FAT1: variants seen among roughly 807,000 people sequenced by gnomAD.
FAT1 encodes FAT atypical cadherin 1, also known as protocadherin Fat 1.
FAT1 carries 171 observed loss-of-function variants against 329.8 expected under a neutral mutation model. That is an observed-to-expected ratio of 0.52 (90% CI 0.46 to 0.59). FAT1 has a LOEUF of 0.59. Ranked by LOEUF, FAT1 falls within the 20% of genes least tolerant of loss-of-function variation. FAT1 has a pLI of 0.00. For synonymous variants in FAT1, 2,233 were observed against 2,228.6 expected (o/e 1.00, Z -0.06); for missense variants, 5,672 against 5,774.4 (o/e 0.98, Z 0.57).
At position 186,588,946 on chromosome 4, in the gene FAT1, C is replaced by A. The variant is rs534337020; in HGVS notation, c.13413G>T (p.Ala4471=). The A allele has an allele frequency of 6.2e-7, 1 of 1,613,942 alleles. No homozygotes were observed. The highest frequency in any genetic ancestry group is 8.5e-7 in the Non-Finnish European group (1 of 1,179,878). ...TTCTTGATGAAGAACCCAAGCTACC[C>A]GCGGCAGGCATGTCTCTAGGAGGGT... ...SIHPPRDMPA[A]GSLGSSSRNR... is the part of the protein sequence containing the mutation. The change falls in exon 27 of 27, where the codon GCG becomes GCT. Residue 4471 remains alanine (A), a synonymous_variant. Transcript: ENST00000441802.
chr4:186,691,429 T>C (rs1743756670), intron 2 of FAT1, among the ~76,000 whole-genome samples: 1 of 152,210 alleles, frequency 6.6e-6, no homozygotes, highest in Non-Finnish European at 1.5e-5. Flanking sequence ...ATTAGGTTTC[T>C]AACAAAGTTT....
chr4:186,617,657 TC>T, intron 10 of FAT1, 50 bp downstream of exon 10: 1 of 1,439,926 alleles, frequency 6.9e-7, no homozygotes, highest in Admixed American at 2.2e-5. Flanking sequence ...ACTTTATGCT[TC>T]TAAAAATCAT....
At chr4:186,712,674 G>T (rs777199384) in intron 1 of FAT1, among the ~76,000 whole-genome samples, 1 of 152,282 alleles carries the variant, frequency 6.6e-6, no homozygotes, top group East Asian at 1.9e-4. Context: ...TAAATCCAAA[G>T]GGTCAGGGCT....
At position 186,602,957 on chromosome 4, in the gene FAT1, A is replaced by G. The variant is rs769142662; in HGVS notation, c.11428T>C (p.Trp3810Arg). The change falls in exon 20 of 27, where the codon TGG becomes CGG. Residue 3810 changes from tryptophan (W) to arginine (R), a missense_variant. By Grantham distance (101) the Trp-to-Arg change is moderately radical (BLOSUM62 -3). Transcript: ENST00000441802. ...PEGSECVSDP[W>R]EEKHTCVCPS... ...CAGACACAGGTGTGTTTCTCCTCCCAGGGATCAGACACACATTCGGATCCC... is the reference window on the plus strand; with the variant it reads ...CAGACACAGGTGTGTTTCTCCTCCCGGGGATCAGACACACATTCGGATCCC... 87 of 1,613,868 alleles carry G rather than the reference A, an allele frequency of 5.4e-5. No homozygotes were observed. The highest frequency in any genetic ancestry group is 6.8e-5 in the Non-Finnish European group (80 of 1,179,870).
chr4:186,674,005 A>C (rs569371017), intron 2 of FAT1, among the ~76,000 whole-genome samples: 92 of 152,362 alleles, frequency 6.0e-4, no homozygotes, highest in African/African-American at 2.1e-3. Context: ...CAGAAGCATT[A>C]AGATACAGAG....
chr4:186,588,268 G>C lies in FAT1; in HGVS notation c.*324C>G. On this transcript the variant is annotated 3_prime_UTR_variant, in exon 27 of 27. Coordinates refer to ENST00000441802, the MANE Select transcript of FAT1 (RefSeq NM_005245.4). ...GTACATAAAATTTACAAAAAAAAGA[G>C]ACAGGAAAATTAAAATAATCAAATC... The C allele has an allele frequency of 3.6e-6, 1 of 280,134 alleles. No individual in the cohort carries two copies. Among genetic ancestry groups the C allele is most frequent in the South Asian group, 1.4e-4 (1 of 7,146 alleles). 17.4% of individuals were successfully genotyped at this position (280,134 alleles called of 1,614,324 possible).
At chr4:186,689,008 A>G (rs1269729245) in intron 2 of FAT1, among the ~76,000 whole-genome samples, 1 of 152,238 alleles carries the variant, frequency 6.6e-6, no homozygotes, top group Non-Finnish European at 1.5e-5. Context: ...GAAACAACAG[A>G]AAGGTCAAGT....
At position 186,596,896 on chromosome 4, in the gene FAT1, T is replaced by C; in HGVS notation, c.12644A>G (p.Glu4215Gly). ...GGGTCCCAGGTGCTTGTCTTTAGGTTCAGCCTGATGCTTCTTTTTCCGACT... is the reference window on the plus strand; with the variant it reads ...GGGTCCCAGGTGCTTGTCTTTAGGTCCAGCCTGATGCTTCTTTTTCCGACT... ...MISRKKKHQA[E>G]PKDKHLGPAT... The change falls in exon 25 of 27, where the codon GAA becomes GGA. Residue 4215 changes from glutamate to glycine, a missense_variant. By Grantham distance (98) the Glu-to-Gly change is moderately conservative. Around this residue, in one of 2 missense-constraint regions of FAT1, gnomAD observed 1,706 missense variants for 1,859.1 expected, o/e 0.92. Coordinates refer to ENST00000441802, the MANE Select transcript of FAT1 (RefSeq NM_005245.4). The surrounding 1 kb of genome is among the most constrained non-coding windows in gnomAD (Gnocchi z 4.7). 1 of 1,614,032 alleles carries C rather than the reference T, an allele frequency of 6.2e-7. No homozygotes were observed. Among genetic ancestry groups the C allele is most frequent in the South Asian group, 1.1e-5 (1 of 91,084 alleles).
intron 2 of FAT1, among the ~76,000 whole-genome samples, chr4:186,680,726 G>A (rs755701368): frequency 1.3e-5 from 2 of 152,096 alleles, no homozygotes; most frequent in Non-Finnish European, 2.9e-5. Context: ...GGAAGTCCAG[G>A]GAATAAATGA....
In FAT1 at chr4:186,707,750, A is replaced by C. The variant is rs1343946259; in HGVS notation, c.2078T>G (p.Leu693Ter). ...ATCCTCCACCTCTCCCTGGTTGTGT[A>C]ATTTATTTGCCTGCAGGAGCTTCTC... ...LAEKLLQANKLHNQGEVEDIF... is the reference protein window; with the variant it reads ...LAEKLLQANK Residue 693 changes from leucine to a stop codon, truncating the protein, a stop_gained, in exon 2 of 27, where the codon TTA becomes TGA. Coordinates refer to ENST00000441802, the MANE Select transcript of FAT1 (RefSeq NM_005245.4). LOFTEE classifies it high-confidence loss of function. 1 of 1,613,544 alleles carries C rather than the reference A, an allele frequency of 6.2e-7. No homozygotes were observed. Among genetic ancestry groups the C allele is most frequent in the Non-Finnish European group, 8.5e-7 (1 of 1,179,870 alleles).
In FAT1 at chr4:186,636,595, T is replaced by C. The variant is rs2126562560; in HGVS notation, c.3962A>G (p.Asp1321Gly). Residue 1321 changes from aspartate to glycine, a missense_variant, in exon 5 of 27, where the codon GAT becomes GGT. This residue lies in a region of FAT1 where 3,966 missense variants were observed against 3,915.2 expected (regional missense o/e 1.01). Coordinates refer to ENST00000441802, the MANE Select transcript of FAT1 (RefSeq NM_005245.4). ...SKRFSAAGEY[D>G]ILSIKAVDNG... is the part of the protein sequence containing the mutation. ...ACAATCTTAACTCACTGAAAGAATA[T>C]CATATTCTCCAGCTGCTGAAAACCT... The C allele has an allele frequency of 6.2e-7, 1 of 1,608,740 alleles. No individual in the cohort carries two copies. Among genetic ancestry groups the C allele is most frequent in the Non-Finnish European group, 8.5e-7 (1 of 1,177,396 alleles).
At chr4:186,628,441 A>G in intron 8 of FAT1, 47 bp downstream of exon 8, 2 of 1,611,480 alleles carry the variant, frequency 1.2e-6, no homozygotes, top group Non-Finnish European at 1.7e-6. Flanking sequence ...CGAACACACA[A>G]AGGCCTCAGG....
In FAT1 at chr4:186,614,258, A is replaced by G; in HGVS notation, c.9162T>C (p.Ser3054=). The G allele has an allele frequency of 6.2e-7, 1 of 1,604,216 alleles. No homozygotes were observed. The highest frequency in any genetic ancestry group is 8.5e-7 in the Non-Finnish European group (1 of 1,176,970). ...ATAACGTGTAAGTAATTTCAGCGTT[A>G]GAGCGGATGTCTGCGTCTGTAGCAG... ...QISATDADIR[S]NAEITYTLLG... The change falls in exon 12 of 27, where the codon TCT becomes TCC. Residue 3054 remains serine, a synonymous_variant. Transcript: ENST00000441802.
At chr4:186,680,695 A>C (rs1479433257) in intron 2 of FAT1, among the ~76,000 whole-genome samples, 2 of 152,174 alleles carry the variant, frequency 1.3e-5, no homozygotes, top group African/African-American at 2.4e-5. Flanking sequence ...ATCTAGTGCA[A>C]CCCTCTAATT....
At chr4:186,682,372 C>CA in intron 2 of FAT1, among the ~76,000 whole-genome samples, 1 of 151,790 alleles carries the variant, frequency 6.6e-6, no homozygotes, top group Admixed American at 6.6e-5. Flanking sequence ...ACTAAAAATA[C>CA]AAAAATTAGC....
chr4:186,596,463 AT>A lies in FAT1; in HGVS notation c.13000+76del. The A allele has an allele frequency of 6.7e-7, 1 of 1,494,776 alleles. No individual in the cohort carries two copies. The highest frequency in any genetic ancestry group is 1.3e-5 in the South Asian group (1 of 76,040). 92.6% of individuals were successfully genotyped at this position (1,494,776 alleles called of 1,614,324 possible). A position where few individuals can be genotyped will look rare whatever the true frequency, so the allele number is the denominator to read the frequency against. ...CTTGTCTCTAATGAAGAGTACACAC[AT>A]TTTGACTGGACAGAATTTGTAACCT... On this transcript the variant is annotated intron_variant, in intron 25 of 26. Transcript: ENST00000441802. The surrounding 1 kb of genome is among the most constrained non-coding windows in gnomAD (Gnocchi z 4.7).
chr4:186,595,292 A>AGG (rs916976099), intron 26 of FAT1, among the ~76,000 whole-genome samples: 1 of 142,020 alleles, frequency 7.0e-6, no homozygotes, highest in African/African-American at 2.9e-5. Flanking sequence ...CTCTTCTTAG[A>AGG]GGGGGTGTGT....
At chr4:186,633,574 T>A (rs1008261514) in intron 7 of FAT1, 110 bp downstream of exon 7, 4 of 1,154,272 alleles carry the variant, frequency 3.5e-6, no homozygotes, top group Admixed American at 2.0e-5. Flanking sequence ...AAACTTCTGA[T>A]TTTAGACCCT....
rs940138848 is a variant in FAT1 at position 186,707,093 on chromosome 4, A to G, written c.2735T>C (p.Val912Ala). The change falls in exon 2 of 27, where the codon GTT becomes GCT. Residue 912 changes from valine (V) to alanine (A), a missense_variant. This residue lies in a region of FAT1 where 3,966 missense variants were observed against 3,915.2 expected (regional missense o/e 1.01). Coordinates refer to ENST00000441802, the MANE Select transcript of FAT1 (RefSeq NM_005245.4). ...REEPQLFSTV[V>A]VKVSLEDVND... ...AACATCTTCTAGTGATACTTTCACA[A>G]CGACAGTGGAGAACAGCTGAGGCTC... 3.1e-6 allele frequency: 5 copies of G among 1,613,930 alleles called. No homozygotes were observed. The highest frequency in any genetic ancestry group is 4.2e-6 in the Non-Finnish European group (5 of 1,179,910).
Sources: gnomAD v4.1 joint callset for allele counts (sites outside exome capture counted in the v4.1 genomes callset) on GRCh38, gnomAD v4.1.1 for gene constraint, gnomAD v4.1.1 regional missense constraint, Gnocchi (gnomAD v3.1) non-coding constraint, MANE v1.5 for transcripts, NCBI Gene and HGNC (gene_info 2026-07-23, HGNC 2026-07-21) for gene names.